Variants in MAMDC4 observed in about 807,000 individuals in gnomAD.
The protein encoded by MAMDC4 is apical endosomal glycoprotein.
A neutral mutation model predicts 153.3 loss-of-function variants in MAMDC4; 168 were observed. The ratio of observed to expected loss-of-function variants is 1.10; its 90% CI spans 0.97 to 1.25. MAMDC4 has a LOEUF of 1.25. Among genes scored for constraint, MAMDC4 ranks in the 50% most tolerant of loss-of-function variants. MAMDC4 has a pLI of 0.00. For synonymous variants in MAMDC4, 744 were observed against 651.5 expected (o/e 1.14, Z -2.16); for missense variants, 1,701 against 1,542.8 (o/e 1.10, Z -1.72).
chr9:136,858,970 A>C, intron 23 of MAMDC4, 35 bp from the exon 24 acceptor site: 1 of 1,507,876 alleles, frequency 6.6e-7, no homozygotes, highest in Non-Finnish European at 8.9e-7. Flanking sequence ...GAGCCCCAGG[A>C]CCCCAGGCCT....
At chr9:136,853,078 A>G (rs773935042) in intron 1 of MAMDC4, 24 bp from the exon 2 acceptor site, 2 of 1,606,876 alleles carry the variant, frequency 1.2e-6, no homozygotes, top group Non-Finnish European at 1.7e-6. Flanking sequence ...CCCCCAGGCC[A>G]CCTGGCTGTC....
At position 136,859,978 on chromosome 9, in the gene MAMDC4, C is replaced by T. The variant is rs376194555; in HGVS notation, c.3286C>T (p.Arg1096Cys). 20 of 1,612,588 alleles carry T rather than the reference C, an allele frequency of 1.2e-5. No homozygotes were observed. Among genetic ancestry groups the T allele is most frequent in the Admixed American group, 1.7e-5 (1 of 59,938 alleles). Residue 1096 changes from arginine (R) to cysteine (C), a missense_variant, in exon 26 of 27, where the codon CGC (arginine) becomes TGC (cysteine). By Grantham distance (180) the Arg-to-Cys change is radical. Transcript: ENST00000317446. ...LLVLLGLGGRRWLQKKGSCPF... is the reference protein window; with the variant it reads ...LLVLLGLGGRCWLQKKGSCPF... ...GGTGCTGCTGGGACTTGGGGGACGGCGCTGGCTGCAGAAGAAGGGGAGCTG... is the reference window on the plus strand; with the variant it reads ...GGTGCTGCTGGGACTTGGGGGACGGTGCTGGCTGCAGAAGAAGGGGAGCTG...
chr9:136,852,595 T>A (rs1275603501), intron 1 of MAMDC4, 133 bp downstream of exon 1: 6 of 1,171,470 alleles, frequency 5.1e-6, no homozygotes, highest in Non-Finnish European at 7.5e-6. Flanking sequence ...AGGTACTACC[T>A]TGGCCGGCCT....
intron 18 of MAMDC4, 31 bp from the exon 19 acceptor site, chr9:136,857,628 G>A: frequency 6.2e-7 from 1 of 1,611,948 alleles, no homozygotes; most frequent in Non-Finnish European, 8.5e-7. Flanking sequence ...GGGCTGGCCA[G>A]GGGCTGGCAG....
chr9:136,852,795 T>C (rs988035257), intron 1 of MAMDC4, among the ~76,000 whole-genome samples: 1 of 152,118 alleles, frequency 6.6e-6, no homozygotes, highest in Non-Finnish European at 1.5e-5. Context: ...ATGCCTCCCA[T>C]TGGGGGTCGC....
At chr9:136,856,665 G>C (rs754527223) in intron 14 of MAMDC4, 45 bp from the exon 15 acceptor site, 20 of 1,581,130 alleles carry the variant, frequency 1.3e-5, no homozygotes, top group Non-Finnish European at 1.6e-5. Context: ...GGGCTCTGGA[G>C]GGGGAGGGGA....
At chr9:136,857,892 G>A (rs565682787) in intron 19 of MAMDC4, 87 bp from the exon 20 acceptor site, 40 of 1,490,530 alleles carry the variant, frequency 2.7e-5, no homozygotes, top group African/African-American at 2.2e-4. Flanking sequence ...AGCCTCTTGC[G>A]CCCGCCAGGC....
chr9:136,854,367 C>G (rs1195233910), intron 7 of MAMDC4, 31 bp downstream of exon 7: 3 of 1,513,426 alleles, frequency 2.0e-6, no homozygotes, highest in Admixed American at 2.2e-5. Context: ...CAGAGTGAGG[C>G]TGGGAGACTG....
At position 136,856,983 on chromosome 9, in the gene MAMDC4, G is replaced by A. The variant is rs541764542; in HGVS notation, c.1914G>A (p.Val638=). 1.9e-6 allele frequency: 3 copies of A among 1,612,486 alleles called. No individual in the cohort carries two copies. Among genetic ancestry groups the A allele is most frequent in the Non-Finnish European group, 2.5e-6 (3 of 1,179,800 alleles). ...HSAHLLSRPQ[V]PAAPTECLSF... is the part of the protein sequence containing the mutation. ...CCCACCTGCTCTCCAGGCCCCAGGTGCCAGCAGCACCCACGGAGTGTCTCA... is the reference window on the plus strand; with the variant it reads ...CCCACCTGCTCTCCAGGCCCCAGGTACCAGCAGCACCCACGGAGTGTCTCA... Residue 638 remains valine (V), a synonymous_variant, in exon 16 of 27, where the codon GTG becomes GTA. Coordinates refer to ENST00000317446, the MANE Select transcript of MAMDC4 (RefSeq NM_206920.3).
At chr9:136,858,601 C>T in intron 22 of MAMDC4, 55 bp downstream of exon 22, 3 of 1,574,136 alleles carry the variant, frequency 1.9e-6, no homozygotes, top group African/African-American at 2.7e-5. Flanking sequence ...TGGCCTCCTG[C>T]TGCCCACCCA....
Position 136,860,633 on chromosome 9 carries a change from C to T in MAMDC4, c.*30C>T, listed in dbSNP as rs200598980. On this transcript the variant is annotated 3_prime_UTR_variant, in exon 27 of 27. Coordinates refer to ENST00000317446, the MANE Select transcript of MAMDC4 (RefSeq NM_206920.3). ...CCCCAGACAAGGCCCCGCTTCCTCA[C>T]GTGACATCCAGCACTTGGTCAGACC... 7.5e-5 allele frequency: 121 copies of T among 1,612,866 alleles called. No homozygotes were observed. In the East Asian group the frequency reaches 9.8e-4, roughly 13 times the overall value.
At position 136,855,421 on chromosome 9, in the gene MAMDC4, G is replaced by T. The variant is rs762346521; in HGVS notation, c.1283-10G>T. On this transcript the variant is annotated splice_polypyrimidine_tract_variant and intron_variant, in intron 11 of 26. Transcript: ENST00000317446. ...ATCCCTGCCTCCTGACACCAGTTCT[G>T]CCCCCACAGAGGTGTCCACCCTGCA... The T allele has an allele frequency of 2.5e-6, 4 of 1,607,250 alleles. No individual in the cohort carries two copies. The highest frequency in any genetic ancestry group is 3.4e-6 in the Non-Finnish European group (4 of 1,176,892).
Position 136,858,511 on chromosome 9 carries a change from A to G in MAMDC4, c.2786A>G (p.Gln929Arg). Residue 929 changes from glutamine to arginine, a missense_variant, in exon 22 of 27, where the codon CAG becomes CGG. Coordinates refer to ENST00000317446, the MANE Select transcript of MAMDC4 (RefSeq NM_206920.3). ...GGAGCCACCCCCTCTCGTTACCCCC[A>G]GCCCCCTGTGGACCACACCCTGGGC... is the stretch of plus-strand genomic sequence containing the variant. Reference protein sequence around the residue: ...GGGATPSRYPQPPVDHTLGTE... With the variant: ...GGGATPSRYPRPPVDHTLGTE... 1 of 1,601,252 alleles carries G rather than the reference A, an allele frequency of 6.2e-7. No homozygotes were observed. Among genetic ancestry groups the G allele is most frequent in the Non-Finnish European group, 8.5e-7 (1 of 1,174,992 alleles).
chr9:136,858,430 G>C lies in MAMDC4; in HGVS notation c.2705G>C (p.Gly902Ala). 6.2e-7 allele frequency: 1 copy of C among 1,605,226 alleles called. No individual in the cohort carries two copies. The highest frequency in any genetic ancestry group is 8.5e-7 in the Non-Finnish European group (1 of 1,179,834). The stretch of plus-strand genomic sequence containing the variant: ...TGTGATTTTGAGTCTGGCCTGTGTG[G>C]CTGGAGCCACCTGGCCTGGCCCGGC... ...GSCDFESGLC[G>A]WSHLAWPGLG... Residue 902 changes from glycine (G) to alanine (A), a missense_variant, in exon 22 of 27, where the codon GGC becomes GCC. Coordinates refer to ENST00000317446, the MANE Select transcript of MAMDC4 (RefSeq NM_206920.3).
At chr9:136,857,901 G>T in intron 19 of MAMDC4, 78 bp from the exon 20 acceptor site, 1 of 1,484,158 alleles carries the variant, frequency 6.7e-7, no homozygotes, top group Non-Finnish European at 8.9e-7. Context: ...CGCCCGCCAG[G>T]CTGGGAGCCT....
In MAMDC4 at chr9:136,858,041, G is replaced by T. The variant is rs542894269; in HGVS notation, c.2527G>T (p.Gly843Cys). 41 of 1,528,632 alleles carry T rather than the reference G, an allele frequency of 2.7e-5. No individual in the cohort carries two copies. The highest frequency in any genetic ancestry group is 3.4e-5 in the Non-Finnish European group (39 of 1,139,906). 94.7% of individuals were successfully genotyped at this position (1,528,632 alleles called of 1,614,324 possible). A position where few individuals can be genotyped will look rare whatever the true frequency, so the allele number is the denominator to read the frequency against. ...CCAGGTGCTCAGCCTCAGTGCCCAC[G>T]GCGGGCTTGCCTGGCGCCTGGGCAG... ...RHQVLSLSAHGGLAWRLGSMD... is the reference protein window; with the variant it reads ...RHQVLSLSAHCGLAWRLGSMD... Residue 843 changes from glycine (G) to cysteine (C), a missense_variant, in exon 20 of 27, where the codon GGC (glycine) becomes TGC (cysteine). Coordinates refer to ENST00000317446, the MANE Select transcript of MAMDC4 (RefSeq NM_206920.3).
chr9:136,853,522 T>C, intron 3 of MAMDC4, 23 bp from the exon 4 acceptor site: 1 of 1,612,522 alleles, frequency 6.2e-7, no homozygotes, highest in Non-Finnish European at 8.5e-7. Flanking sequence ...CTGCCCCGTC[T>C]CCTGACCTCT....
rs148579871 is a variant in MAMDC4 at position 136,858,173 on chromosome 9, C to T, written c.2584-13C>T. 1.1e-3 allele frequency: 1,661 copies of T among 1,572,670 alleles called. 20 individuals carry two copies. The African/African-American group carries it at 0.02, about 19-fold the overall frequency. On this transcript the variant is annotated splice_polypyrimidine_tract_variant and intron_variant, in intron 20 of 26. Coordinates refer to ENST00000317446, the MANE Select transcript of MAMDC4 (RefSeq NM_206920.3). ...CTGGACCCGCTGAGGCTGCCCTGCC[C>T]TGCACCCGCCAGGTGGTGTTTGAGG... is the stretch of plus-strand genomic sequence containing the variant.
intron 26 of MAMDC4, 76 bp from the exon 27 acceptor site, chr9:136,860,486 A>G (rs1849073015): frequency 4.0e-6 from 6 of 1,489,554 alleles, no homozygotes; most frequent in Non-Finnish European, 5.5e-6. Flanking sequence ...GTGCCATTGC[A>G]CTCCATCCTG....
Sources: gnomAD v4.1 joint callset for allele counts (sites outside exome capture counted in the v4.1 genomes callset) on GRCh38, gnomAD v4.1.1 for gene constraint, MANE v1.5 for transcripts, NCBI Gene and HGNC (gene_info 2026-07-23, HGNC 2026-07-21) for gene names.